Variants in LIFR observed in about 807,000 individuals in gnomAD.
The protein encoded by LIFR is leukemia inhibitory factor receptor.
A neutral mutation model predicts 122.2 loss-of-function variants in LIFR; 84 were observed. That is an observed-to-expected ratio of 0.69 (90% CI 0.58 to 0.82). LIFR has a LOEUF of 0.82. Among genes scored for constraint, LIFR ranks in the 40% least tolerant of loss-of-function variants. The pLI, the probability that LIFR is intolerant of heterozygous loss-of-function variation, is 0.00. For synonymous variants in LIFR, 422 were observed against 434.7 expected (o/e 0.97, Z 0.36); for missense variants, 1,294 against 1,311.6 (o/e 0.99, Z 0.21).
At chr5:38,530,729 G>A (rs1746961353) in intron 1 of LIFR, 63 bp from the exon 2 acceptor site, 1 of 1,314,324 alleles carries the variant, frequency 7.6e-7, no homozygotes, top group East Asian at 2.3e-5. Context: ...CTTATACTGT[G>A]CACACAAACA....
At chr5:38,499,354 G>A (rs912042780) in intron 12 of LIFR, among the ~76,000 whole-genome samples, 159 bp downstream of exon 12, 2 of 152,126 alleles carry the variant, frequency 1.3e-5, no homozygotes, top group African/African-American at 4.8e-5. Context: ...TAGGAGTGAC[G>A]AGGAATTTGG....
chr5:38,515,209 G>A (rs1228016474), intron 5 of LIFR, among the ~76,000 whole-genome samples: 2 of 152,082 alleles, frequency 1.3e-5, no homozygotes, highest in Non-Finnish European at 2.9e-5. Flanking sequence ...TGGGGCTACT[G>A]GAGCCTCTGT....
chr5:38,557,573 G>T (rs1748653997), upstream of LIFR: 2 of 154,764 alleles, frequency 1.3e-5, no homozygotes, highest in African/African-American at 4.8e-5. Flanking sequence ...TAGGAAACAG[G>T]CTTGTTTGTT....
upstream of LIFR, chr5:38,557,773 C>T (rs1469990685): frequency 6.5e-6 from 1 of 153,526 alleles, no homozygotes; most frequent in African/African-American, 2.4e-5. Context: ...AAGTAGACTC[C>T]CAAAACAAAA....
At chr5:38,601,554 C>T (rs1750222285) in intron 2 of LIFR, among the ~76,000 whole-genome samples, 1 of 152,138 alleles carries the variant, frequency 6.6e-6, no homozygotes, top group Non-Finnish European at 1.5e-5. Context: ...GATTTGTGTA[C>T]TACTTATAGG....
intron 1 of LIFR, among the ~76,000 whole-genome samples, chr5:38,567,744 G>T (rs1180520053): frequency 2.6e-5 from 4 of 151,982 alleles, no homozygotes; most frequent in African/African-American, 9.7e-5. Flanking sequence ...GGCCAGGCTG[G>T]TCTCGAACTC....
Position 38,481,737 on chromosome 5 carries a change from TTGC to T in LIFR, c.3149_3151del (p.Ser1050del). 3.7e-6 allele frequency: 6 copies of T among 1,614,208 alleles called. No individual in the cohort carries two copies. The highest frequency in any genetic ancestry group is 4.2e-6 in the Non-Finnish European group (5 of 1,180,038). On this transcript the variant is annotated inframe_deletion, in exon 20 of 20. Coordinates refer to ENST00000453190, the MANE Select transcript of LIFR (RefSeq NM_001127671.2). ...ACTTCCAAATGAGACAATCTCACTGTTGCTGTCTATGGATCTAGGAGAGTCTGG... is the reference window on the plus strand; with the variant it reads ...ACTTCCAAATGAGACAATCTCACTGTTGTCTATGGATCTAGGAGAGTCTGG...
chr5:38,513,841 C>T (rs769253971), intron 5 of LIFR, among the ~76,000 whole-genome samples: 1 of 152,112 alleles, frequency 6.6e-6, no homozygotes, highest in Non-Finnish European at 1.5e-5. Flanking sequence ...CCTCGCTTAA[C>T]TGTGAGCAGC....
chr5:38,601,120 T>C (rs1330469297), intron 2 of LIFR, among the ~76,000 whole-genome samples: 4 of 152,200 alleles, frequency 2.6e-5, no homozygotes, highest in African/African-American at 9.6e-5. Context: ...CTTTGGAAGG[T>C]ATTTAGGATT....
chr5:38,561,216 A>G (rs1231915217), upstream of LIFR, among the ~76,000 whole-genome samples: 1 of 152,194 alleles, frequency 6.6e-6, no homozygotes, highest in African/African-American at 2.4e-5. Context: ...TAAGAGGGAC[A>G]CTACACAACA....
intron 1 of LIFR, among the ~76,000 whole-genome samples, chr5:38,533,491 G>A (rs1446018028): frequency 1.3e-5 from 2 of 152,142 alleles, no homozygotes; most frequent in African/African-American, 4.8e-5. Flanking sequence ...GAAGATGAGT[G>A]TTCACACATG....
chr5:38,482,850 C>T (rs916291286), intron 18 of LIFR, among the ~76,000 whole-genome samples, 183 bp from the exon 19 acceptor site: 9 of 152,096 alleles, frequency 5.9e-5, no homozygotes, highest in Admixed American at 4.6e-4. Context: ...TGAGAGGTTC[C>T]AACTTGAAAA....
At chr5:38,589,119 T>C (rs1296233068) in intron 1 of LIFR, among the ~76,000 whole-genome samples, 1 of 151,756 alleles carries the variant, frequency 6.6e-6, no homozygotes, top group Non-Finnish European at 1.5e-5. Flanking sequence ...TGCCTCAGCC[T>C]CCCAACTAGC....
At chr5:38,508,637 T>A (rs1033925461) in intron 7 of LIFR, among the ~76,000 whole-genome samples, 2 of 151,940 alleles carry the variant, frequency 1.3e-5, no homozygotes, top group African/African-American at 4.8e-5. Flanking sequence ...AGTGCAGTGG[T>A]GCGATCTCAG....
chr5:38,533,135 ATG>A (rs959980327), intron 1 of LIFR, among the ~76,000 whole-genome samples: 7 of 152,224 alleles, frequency 4.6e-5, no homozygotes, highest in African/African-American at 1.4e-4. Flanking sequence ...AAGTTTGTAA[ATG>A]TGAGAAAATA....
chr5:38,570,396 C>T (rs1749170808), intron 1 of LIFR, among the ~76,000 whole-genome samples: 1 of 152,154 alleles, frequency 6.6e-6, no homozygotes, highest in South Asian at 2.1e-4. Context: ...GGACTTCATA[C>T]AGTTCTTCTG....
chr5:38,531,530 C>A (rs1252430771), intron 1 of LIFR, among the ~76,000 whole-genome samples: 1 of 151,478 alleles, frequency 6.6e-6, no homozygotes, highest in East Asian at 1.9e-4. Flanking sequence ...GTCCTCTGAG[C>A]AAACATGGCA....
rs113816106 is a variant in LIFR, at chr5:38,523,439, T to C, written c.541A>G (p.Ser181Gly). 4 of 1,612,080 alleles carry C rather than the reference T, an allele frequency of 2.5e-6. No homozygotes were observed. Among genetic ancestry groups the C allele is most frequent in the Non-Finnish European group, 3.4e-6 (4 of 1,179,334 alleles). ...CTTACTAATTTTACGAGCTCCATACTCTCTTTACGTAGAACTTTAATTTCC... is the reference window on the plus strand; with the variant it reads ...CTTACTAATTTTACGAGCTCCATACCCTCTTTACGTAGAACTTTAATTTCC... ...IWEIKVLRKE[S>G]MELVKLVTHN... The change falls in exon 5 of 20, where the codon AGT (serine) becomes GGT (glycine). Residue 181 changes from serine to glycine, a missense_variant. Transcript: ENST00000453190.
chr5:38,534,757 G>A (rs1257749733), intron 1 of LIFR, among the ~76,000 whole-genome samples: 1 of 152,170 alleles, frequency 6.6e-6, no homozygotes, highest in Non-Finnish European at 1.5e-5. Flanking sequence ...TGCGGTGTGA[G>A]TGTGGACAAA....
Sources: allele counts gnomAD v4.1 joint callset (sites outside exome capture counted in the v4.1 genomes callset), GRCh38; gene constraint gnomAD v4.1.1; transcripts MANE v1.5; gene names NCBI Gene and HGNC (gene_info 2026-07-23, HGNC 2026-07-21).